Variants in SCAPER observed in about 807,000 individuals in gnomAD.
SCAPER encodes the protein S-phase cyclin A associated protein in the ER.
SCAPER carries 98 observed loss-of-function variants against 182.2 expected under a neutral mutation model. That is an observed-to-expected ratio of 0.54 (90% CI 0.46 to 0.64). The LOEUF (loss-of-function observed/expected upper bound fraction) is 0.64, where lower values mean the gene tolerates loss of function less well. Among genes scored for constraint, SCAPER ranks in the 30% least tolerant of loss-of-function variants. The pLI is 0.00. For missense variants in SCAPER, 1,432 were observed against 1,690.0 expected, an observed-to-expected ratio of 0.85 and a Z score of 2.68; for synonymous variants, 605 against 564.6, an observed-to-expected ratio of 1.07 and a Z score of -1.01.
chr15:76,713,680 A>T (rs1347036513), intron 17 of SCAPER, among the ~76,000 whole-genome samples: 1 of 152,054 alleles, frequency 6.6e-6, no homozygotes, highest in African/African-American at 2.4e-5. Flanking sequence ...CCTAATGCTA[A>T]ATGACGAGTT....
intron 21 of SCAPER, 144 bp downstream of exon 21, chr15:76,665,509 G>C (rs753609945): frequency 1.9e-5 from 18 of 938,020 alleles, no homozygotes; most frequent in Non-Finnish European, 2.7e-5. Flanking sequence ...ATCAAGGAAA[G>C]TGGCTATAAA....
At chr15:76,454,484 T>A (rs933714777) in intron 25 of SCAPER, among the ~76,000 whole-genome samples, 1 of 152,222 alleles carries the variant, frequency 6.6e-6, no homozygotes, top group Non-Finnish European at 1.5e-5. Context: ...GTAACCATTA[T>A]CATGATTTTG....
chr15:76,620,974 C>G (rs2051984045), intron 22 of SCAPER, among the ~76,000 whole-genome samples: 1 of 151,960 alleles, frequency 6.6e-6, no homozygotes, highest in African/African-American at 2.4e-5. Flanking sequence ...TGTAACAAAC[C>G]TGCACATCCT....
At chr15:76,883,703 G>T (rs2073697966) in intron 2 of SCAPER, 109 bp downstream of exon 2, 1 of 907,548 alleles carries the variant, frequency 1.1e-6, no homozygotes, top group South Asian at 1.7e-5. Context: ...ATGACAATGT[G>T]TTCCATAGGG....
intron 17 of SCAPER, among the ~76,000 whole-genome samples, chr15:76,717,856 C>T (rs1044903751): frequency 6.6e-6 from 1 of 152,020 alleles, no homozygotes; most frequent in Non-Finnish European, 1.5e-5. Context: ...TAAGGGACTT[C>T]AATACCCCAC....
At chr15:76,870,690 C>T (rs2072653043) in intron 2 of SCAPER, among the ~76,000 whole-genome samples, 1 of 151,174 alleles carries the variant, frequency 6.6e-6, no homozygotes, top group Admixed American at 6.6e-5. Flanking sequence ...AGAATGAAAA[C>T]ATAAAAAAAA....
chr15:76,476,978 A>G (rs1240022950), intron 24 of SCAPER, among the ~76,000 whole-genome samples: 1 of 151,952 alleles, frequency 6.6e-6, no homozygotes, highest in Non-Finnish European at 1.5e-5. Context: ...AATGGGGGGG[A>G]AGCTCAGGTT....
intron 2 of SCAPER, among the ~76,000 whole-genome samples, chr15:76,873,086 CAAAA>C (rs1212539502): frequency 1.7e-5 from 1 of 57,614 alleles, no homozygotes. Context: ...CTTGTCTCTA[CAAAA>C]AAAAAAAAAA....
chr15:76,830,686 G>C lies in SCAPER; in HGVS notation c.393+11048C>G, dbSNP rs1344928024. ...AAACACATCAGGTTTGAGGTGGGAA[G>C]GAGATATCATGAACTTTGTTTTACC... On this transcript the variant is annotated intron_variant, in intron 5 of 31. Coordinates refer to ENST00000563290, the MANE Select transcript of SCAPER (RefSeq NM_020843.4). Among the ~76,000 whole-genome samples, 35 of 152,036 alleles carry C rather than the reference G, an allele frequency of 2.3e-4. 1 individual carries two copies. Among genetic ancestry groups the C allele is most frequent in the Admixed American group, 2.2e-3 (34 of 15,274 alleles).
intron 15 of SCAPER, among the ~76,000 whole-genome samples, chr15:76,742,811 T>C (rs2061616861): frequency 6.6e-6 from 1 of 152,022 alleles, no homozygotes; most frequent in South Asian, 2.1e-4. Context: ...ACTAAAATGG[T>C]ACATGGTCTC....
At chr15:76,800,823 C>T (rs1370822394) in intron 6 of SCAPER, among the ~76,000 whole-genome samples, 1 of 152,148 alleles carries the variant, frequency 6.6e-6, no homozygotes, top group Non-Finnish European at 1.5e-5. Flanking sequence ...TATAAAATGT[C>T]CTTCCTCTAC....
intron 23 of SCAPER, among the ~76,000 whole-genome samples, chr15:76,548,424 T>C (rs1430086908): frequency 6.6e-6 from 1 of 152,200 alleles, no homozygotes; most frequent in African/African-American, 2.4e-5. Flanking sequence ...ATTTTGTAGA[T>C]GGAAATACCA....
At chr15:76,615,494 C>CAG (rs2051382858) in intron 22 of SCAPER, among the ~76,000 whole-genome samples, 6 of 9,134 alleles carry the variant, frequency 6.6e-4, no homozygotes, top group East Asian at 7.7e-3. Flanking sequence ...CACACACAGA[C>CAG]ACACACACAC....
chr15:76,767,138 G>A, intron 10 of SCAPER, 50 bp from the exon 11 acceptor site: 6 of 1,438,422 alleles, frequency 4.2e-6, no homozygotes, highest in Non-Finnish European at 5.6e-6. Context: ...CACTTGACTG[G>A]AAAGTAATCA....
At chr15:76,873,811 A>C (rs1033563391) in intron 2 of SCAPER, among the ~76,000 whole-genome samples, 3 of 152,208 alleles carry the variant, frequency 2.0e-5, no homozygotes, top group African/African-American at 7.2e-5. Flanking sequence ...GGTCTCACTA[A>C]ATTTCAAAGT....
chr15:76,880,628 A>G (rs1051358192), intron 2 of SCAPER, among the ~76,000 whole-genome samples: 1 of 152,118 alleles, frequency 6.6e-6, no homozygotes, highest in African/African-American at 2.4e-5. Context: ...CTTACCTGCT[A>G]GAGTTTTAAA....
intron 8 of SCAPER, among the ~76,000 whole-genome samples, chr15:76,790,244 AAT>A: frequency 6.6e-6 from 1 of 151,864 alleles, no homozygotes; most frequent in South Asian, 2.1e-4. Context: ...AAAAAAAAAA[AAT>A]GTACATCAAT....
Position 76,859,268 on chromosome 15 carries a change from A to G in SCAPER, c.125-1389T>C, listed in dbSNP as rs375118418. On this transcript the variant is annotated intron_variant, in intron 3 of 31. Coordinates refer to ENST00000563290, the MANE Select transcript of SCAPER (RefSeq NM_020843.4). ...GTACCTAACTATCAACTTATCTGAC[A>G]TAAGTGGGACACCCTCACTGTTCCA... Among the ~76,000 whole-genome samples the G allele has an allele frequency of 3.5e-4, 54 of 152,374 alleles. No homozygotes were observed. The East Asian group carries it at 6.0e-3, about 17-fold the overall frequency.
rs1165186203 is a variant in SCAPER at position 76,471,274 on chromosome 15, T to G, written c.3016A>C (p.Ser1006Arg). The change falls in exon 25 of 32, where the codon AGT becomes CGT. Residue 1006 changes from serine to arginine, a missense_variant. By Grantham distance (110) the Ser-to-Arg change is moderately radical. This residue lies in a region of SCAPER where 718 missense variants were observed against 799.7 expected (regional missense o/e 0.90). Coordinates refer to ENST00000563290, the MANE Select transcript of SCAPER (RefSeq NM_020843.4). ...LTCNNCSENC[S>R]DVLFSNKITF... ...ATCTTGTTACTAAACAGAACATCAC[T>G]GCAGTTTTCTGAACAGTTATTGCAG... 2.5e-6 allele frequency: 4 copies of G among 1,612,586 alleles called. No homozygotes were observed. Among genetic ancestry groups the G allele is most frequent in the African/African-American group, 2.7e-5 (2 of 74,872 alleles).
Sources: allele counts gnomAD v4.1 joint callset (sites outside exome capture counted in the v4.1 genomes callset), GRCh38; gene constraint gnomAD v4.1.1; regional missense constraint gnomAD v4.1.1; transcripts MANE v1.5; gene names NCBI Gene and HGNC (gene_info 2026-07-23, HGNC 2026-07-21).